EPB41L5: variants seen among roughly 807,000 people sequenced by gnomAD.
The protein encoded by EPB41L5 is erythrocyte membrane protein band 4.1 like 5.
EPB41L5 carries 55 observed loss-of-function variants against 106.6 expected under a neutral mutation model. The ratio of observed to expected loss-of-function variants is 0.52; its 90% CI spans 0.42 to 0.65. EPB41L5 has a LOEUF of 0.65. EPB41L5 is among the 30% of genes least tolerant of loss of function. EPB41L5 has a pLI of 0.00. For missense variants in EPB41L5, 871 were observed against 882.1 expected (o/e 0.99, Z 0.16); for synonymous variants, 297 against 306.7 (o/e 0.97, Z 0.33).
intron 20 of EPB41L5, among the ~76,000 whole-genome samples, chr2:120,149,135 G>A (rs972560369): frequency 3.3e-5 from 5 of 151,692 alleles, no homozygotes; most frequent in Admixed American, 1.3e-4. Flanking sequence ...ACATCCTTTC[G>A]TGTATGTCTA....
At chr2:120,126,516 G>A (rs1236323337) in intron 16 of EPB41L5, among the ~76,000 whole-genome samples, 1 of 152,110 alleles carries the variant, frequency 6.6e-6, no homozygotes, top group African/African-American at 2.4e-5. Flanking sequence ...ATTTTTGCCT[G>A]TGGATATCTG....
intron 3 of EPB41L5, among the ~76,000 whole-genome samples, chr2:120,068,350 T>A (rs1681598634): frequency 6.6e-6 from 1 of 152,138 alleles, no homozygotes; most frequent in Non-Finnish European, 1.5e-5. Context: ...CAAAACTGGG[T>A]GGCCGTTTGG....
chr2:120,164,996 T>A (rs187095863), intron 22 of EPB41L5, 86 bp downstream of exon 22: 1 of 973,320 alleles, frequency 1.0e-6, no homozygotes, highest in Non-Finnish European at 1.6e-6. Context: ...TCCTTTTTAA[T>A]AATTCAGTTA....
intron 3 of EPB41L5, among the ~76,000 whole-genome samples, chr2:120,054,863 CACT>C (rs1558830502): frequency 1.4e-5 from 2 of 144,592 alleles, no homozygotes; most frequent in Admixed American, 7.0e-5. Flanking sequence ...TACATATATA[CACT>C]TTTTTTTTTT....
intron 19 of EPB41L5, among the ~76,000 whole-genome samples, chr2:120,145,122 G>T (rs1353941123): frequency 6.6e-6 from 1 of 152,190 alleles, no homozygotes; most frequent in Non-Finnish European, 1.5e-5. Flanking sequence ...CTCCTGTGGT[G>T]CACATACATT....
intron 3 of EPB41L5, among the ~76,000 whole-genome samples, chr2:120,056,681 T>TC (rs1490573137): frequency 1.3e-5 from 2 of 151,214 alleles, no homozygotes; most frequent in African/African-American, 4.9e-5. Flanking sequence ...GACTTTTTTT[T>TC]TTTTTCTGGT....
intron 3 of EPB41L5, among the ~76,000 whole-genome samples, chr2:120,058,431 C>T (rs1680804969): frequency 6.6e-6 from 1 of 152,148 alleles, no homozygotes; most frequent in African/African-American, 2.4e-5. Flanking sequence ...TTGCCTTGGC[C>T]CTCTAAGGTG....
chr2:120,106,079 T>C, intron 16 of EPB41L5: 1 of 985,118 alleles, frequency 1.0e-6, no homozygotes, highest in Non-Finnish European at 1.2e-6. Context: ...TCAGTTCATA[T>C]TGAAAGTGGC....
chr2:120,171,047 C>G (rs1046681749), intron 24 of EPB41L5, among the ~76,000 whole-genome samples: 1 of 152,204 alleles, frequency 6.6e-6, no homozygotes, highest in African/African-American at 2.4e-5. Context: ...CCCATCTCCA[C>G]AGATTTAGAT....
At chr2:120,052,687 CCTTACTTTCTGG>C (rs1680368603) in intron 3 of EPB41L5, among the ~76,000 whole-genome samples, 1 of 152,194 alleles carries the variant, frequency 6.6e-6, no homozygotes, top group Non-Finnish European at 1.5e-5. Context: ...TTGAGCTCTG[CCTTACTTTCTGG>C]CTTATGAAGG....
chr2:120,097,657 GA>G (rs1324548780), intron 14 of EPB41L5, among the ~76,000 whole-genome samples: 2 of 151,930 alleles, frequency 1.3e-5, no homozygotes, highest in African/African-American at 2.4e-5. Flanking sequence ...AAGAGGAAAA[GA>G]AAAAATGGTA....
intron 18 of EPB41L5, among the ~76,000 whole-genome samples, chr2:120,139,019 A>G (rs1419940167): frequency 6.6e-6 from 1 of 152,130 alleles, no homozygotes; most frequent in Non-Finnish European, 1.5e-5. Context: ...GAAGCCAGAA[A>G]TAAATCCATA....
intron 2 of EPB41L5, among the ~76,000 whole-genome samples, chr2:120,041,369 C>T (rs1679393440): frequency 6.6e-6 from 1 of 152,130 alleles, no homozygotes; most frequent in Non-Finnish European, 1.5e-5. Context: ...CCTCGGTGAT[C>T]ATGAGACCAC....
At chr2:120,040,920 A>G (rs1247963026) in intron 2 of EPB41L5, among the ~76,000 whole-genome samples, 1 of 152,180 alleles carries the variant, frequency 6.6e-6, no homozygotes, top group Non-Finnish European at 1.5e-5. Flanking sequence ...GGAAAATACT[A>G]TAAATCACAA....
intron 24 of EPB41L5, among the ~76,000 whole-genome samples, chr2:120,170,373 T>A (rs1687623445): frequency 6.6e-6 from 1 of 152,176 alleles, no homozygotes; most frequent in Non-Finnish European, 1.5e-5. Flanking sequence ...CAGGCTACAG[T>A]CAAATATTGG....
At chr2:120,054,979 G>A (rs893917061) in intron 3 of EPB41L5, among the ~76,000 whole-genome samples, 2 of 150,160 alleles carry the variant, frequency 1.3e-5, no homozygotes, top group African/African-American at 4.9e-5. Context: ...TGATTCTCCT[G>A]CCTCAGCCTC....
chr2:120,140,264 C>T (rs1364266414), intron 18 of EPB41L5, among the ~76,000 whole-genome samples: 1 of 151,792 alleles, frequency 6.6e-6, no homozygotes, highest in Non-Finnish European at 1.5e-5. Context: ...TGACTACAGT[C>T]AATAACTTAC....
At chr2:120,048,968 G>C (rs975195159) in intron 3 of EPB41L5, among the ~76,000 whole-genome samples, 2 of 152,134 alleles carry the variant, frequency 1.3e-5, no homozygotes, top group Non-Finnish European at 2.9e-5. Flanking sequence ...CTATGTAGTT[G>C]AGCGGTTTTG....
chr2:120,031,261 C>T (rs912666743), intron 2 of EPB41L5, among the ~76,000 whole-genome samples: 5 of 152,340 alleles, frequency 3.3e-5, no homozygotes, highest in East Asian at 3.9e-4. Flanking sequence ...CAACCAGCTC[C>T]GCTTGAATTA....
Sources: gnomAD v4.1 joint callset for allele counts (sites outside exome capture counted in the v4.1 genomes callset) on GRCh38, gnomAD v4.1.1 for gene constraint, MANE v1.5 for transcripts, NCBI Gene and HGNC (gene_info 2026-07-23, HGNC 2026-07-21) for gene names.